Variants in TPP2 observed in about 807,000 individuals in gnomAD.
TPP2 encodes tripeptidyl peptidase 2, also known as tripeptidyl-peptidase 2.
A neutral mutation model predicts 155.9 loss-of-function variants in TPP2; 34 were observed. The observed-to-expected ratio is 0.22, with a 90% CI of 0.17 to 0.29. TPP2 has a LOEUF of 0.29. Ranked by LOEUF, TPP2 falls within the 10% of genes least tolerant of loss-of-function variation. The pLI is 1.00. For missense variants in TPP2, 1,028 were observed against 1,522.3 expected (o/e 0.68, Z 5.40); for synonymous variants, 510 against 529.4 (o/e 0.96, Z 0.50).
intron 6 of TPP2, among the ~76,000 whole-genome samples, chr13:102,626,154 A>G (rs572036279): frequency 5.9e-5 from 9 of 152,210 alleles, no homozygotes; most frequent in Non-Finnish European, 2.9e-5. Context: ...TACTATCCTG[A>G]TCTCCATTGC....
At chr13:102,633,879 G>A in intron 10 of TPP2, 71 bp from the exon 11 acceptor site, 1 of 1,598,320 alleles carries the variant, frequency 6.3e-7, no homozygotes, top group Non-Finnish European at 8.5e-7. Context: ...TTAACCAGTG[G>A]TCGTCTTAAA....
At position 102,676,292 on chromosome 13, in the gene TPP2, G is replaced by A. The variant is rs1595230921; in HGVS notation, c.3580-4G>A. The stretch of plus-strand genomic sequence containing the variant: ...AACAAGCTTTATCATGTTTTACATT[G>A]TAGGTTTTGACATTTGCATATAAAC... On this transcript the variant is annotated splice_region_variant and splice_polypyrimidine_tract_variant and intron_variant, in intron 28 of 29. Transcript: ENST00000376052. The A allele has an allele frequency of 1.3e-6, 2 of 1,588,166 alleles. No individual in the cohort carries two copies. Among genetic ancestry groups the A allele is most frequent in the Non-Finnish European group, 8.6e-7 (1 of 1,163,976 alleles).
intron 12 of TPP2, 72 bp downstream of exon 12, chr13:102,635,774 A>G: frequency 8.5e-7 from 1 of 1,175,478 alleles, no homozygotes; most frequent in Non-Finnish European, 1.2e-6. Flanking sequence ...ATTGGGTAAT[A>G]TTTTGTTTTA....
intron 6 of TPP2, among the ~76,000 whole-genome samples, chr13:102,625,227 C>T (rs1469609331): frequency 3.5e-5 from 5 of 140,862 alleles, no homozygotes; most frequent in East Asian, 4.2e-4. Context: ...TGCAGTGGCG[C>T]GATCTCGGCT....
intron 3 of TPP2, among the ~76,000 whole-genome samples, chr13:102,615,984 T>G (rs1046067173): frequency 7.3e-5 from 11 of 150,584 alleles, no homozygotes; most frequent in Non-Finnish European, 1.5e-4. Flanking sequence ...TGAGACAGAG[T>G]CTTACTCTGT....
intron 1 of TPP2, among the ~76,000 whole-genome samples, chr13:102,603,076 A>G (rs1486386507): frequency 6.6e-6 from 1 of 152,202 alleles, no homozygotes. Context: ...GTGTAAAAAT[A>G]TATATTGTTA....
intron 2 of TPP2, among the ~76,000 whole-genome samples, chr13:102,613,127 T>C (rs1880450415): frequency 6.6e-6 from 1 of 152,192 alleles, no homozygotes; most frequent in Admixed American, 6.5e-5. Context: ...GTGTTTGAAA[T>C]TACACATTCT....
intron 1 of TPP2, among the ~76,000 whole-genome samples, chr13:102,602,948 T>C (rs1386863838): frequency 1.3e-5 from 2 of 152,200 alleles, no homozygotes. Flanking sequence ...TTTCAGTCGT[T>C]GTGTCTCTGT....
chr13:102,663,698 A>T lies in TPP2; in HGVS notation c.3194A>T (p.Tyr1065Phe), dbSNP rs1383011606. The T allele has an allele frequency of 6.2e-7, 1 of 1,608,900 alleles. No homozygotes were observed. Among genetic ancestry groups the T allele is most frequent in the Non-Finnish European group, 8.5e-7 (1 of 1,178,256 alleles). Residue 1065 changes from tyrosine (Y) to phenylalanine (F), a missense_variant, in exon 26 of 30, where the codon TAT (tyrosine) becomes TTT (phenylalanine). Tyr to Phe is a conservative substitution (Grantham distance 22). Around this residue, in one of 7 missense-constraint regions of TPP2, gnomAD observed 179 missense variants for 274.7 expected, o/e 0.65. Transcript: ENST00000376052. ...YNELKETYPN[Y>F]LPLYVARLHQ... ...GAATTGAAAGAAACATATCCTAATT[A>T]TCTTCCTCTGTACGTTGCACGACTT...
intron 29 of TPP2, among the ~76,000 whole-genome samples, chr13:102,677,290 A>T (rs1885331645): frequency 1.3e-5 from 2 of 152,140 alleles, no homozygotes; most frequent in Non-Finnish European, 2.9e-5. Flanking sequence ...CTGATCCGTG[A>T]GCACTTAGGT....
intron 17 of TPP2, among the ~76,000 whole-genome samples, chr13:102,643,588 A>G (rs887542999): frequency 1.3e-5 from 2 of 152,170 alleles, no homozygotes; most frequent in African/African-American, 4.8e-5. Flanking sequence ...TAATTCTTGA[A>G]TAGCATAGTC....
rs200715494 is a variant in TPP2, at chr13:102,678,793, ATTTTTTTT to A, written c.*494_*501del. The A allele has an allele frequency of 2.7e-4, 33 of 121,540 alleles. No homozygotes were observed. The highest frequency in any genetic ancestry group is 4.7e-4 in the East Asian group (2 of 4,250). 7.5% of individuals were successfully genotyped at this position (121,540 alleles called of 1,614,324 possible). ...AAACTAACAGAACTTCATTTCCAGA[ATTTTTTTT>A]TTTTTTTTTTTTTTTTGGCAAATGT... On this transcript the variant is annotated 3_prime_UTR_variant, in exon 30 of 30. Coordinates refer to ENST00000376052, the MANE Select transcript of TPP2 (RefSeq NM_001330588.2).
At chr13:102,662,524 T>G (rs971707523) in intron 25 of TPP2, among the ~76,000 whole-genome samples, 6 of 152,180 alleles carry the variant, frequency 3.9e-5, no homozygotes, top group African/African-American at 1.4e-4. Context: ...AAAAAAAAAT[T>G]TATAATTAAG....
At position 102,637,100 on chromosome 13, in the gene TPP2, C is replaced by G. The variant is rs749981023; in HGVS notation, c.1697C>G (p.Ser566Cys). The change falls in exon 14 of 30, where the codon TCC becomes TGC. Residue 566 changes from serine (S) to cysteine (C), a missense_variant. Ser to Cys is a moderately radical substitution (Grantham distance 112). Around this residue, in one of 7 missense-constraint regions of TPP2, gnomAD observed 325 missense variants for 463.7 expected, o/e 0.70. Transcript: ENST00000376052. ...PENTENSEKISLQLHLALTSN... is the reference protein window; with the variant it reads ...PENTENSEKICLQLHLALTSN... ...GTGCCAGAAAACTCTGAAAAAATATCCCTTCAGCTTCATTTAGCTCTGACT... is the reference window on the plus strand; with the variant it reads ...GTGCCAGAAAACTCTGAAAAAATATGCCTTCAGCTTCATTTAGCTCTGACT... 9 of 1,592,308 alleles carry G rather than the reference C, an allele frequency of 5.7e-6. No homozygotes were observed. Among genetic ancestry groups the G allele is most frequent in the Non-Finnish European group, 7.7e-6 (9 of 1,174,674 alleles).
At position 102,618,859 on chromosome 13, in the gene TPP2, T is replaced by A; in HGVS notation, c.620+13T>A. On this transcript the variant is annotated intron_variant, in intron 5 of 29. Transcript: ENST00000376052. ...GCGAAGTCTGGAGGTAAACTTCGTG[T>A]ATTTTATACATCTTCATTTACAAAT... 6.3e-7 allele frequency: 1 copy of A among 1,592,670 alleles called. No individual in the cohort carries two copies. The highest frequency in any genetic ancestry group is 8.5e-7 in the Non-Finnish European group (1 of 1,172,190).
At chr13:102,600,979 C>T (rs1879388918) in intron 1 of TPP2, among the ~76,000 whole-genome samples, 1 of 151,892 alleles carries the variant, frequency 6.6e-6, no homozygotes, top group Non-Finnish European at 1.5e-5. Context: ...CAGCCTCAAA[C>T]TCCTGGGTTT....
chr13:102,660,547 A>G (rs1171482067), intron 25 of TPP2, among the ~76,000 whole-genome samples: 1 of 152,250 alleles, frequency 6.6e-6, no homozygotes, highest in Non-Finnish European at 1.5e-5. Flanking sequence ...AGAAGACTTA[A>G]TATCATTACA....
At chr13:102,669,733 A>C (rs1371922824) in intron 27 of TPP2, among the ~76,000 whole-genome samples, 1 of 150,170 alleles carries the variant, frequency 6.7e-6, no homozygotes, top group Non-Finnish European at 1.5e-5. Context: ...ATTTTGGTGG[A>C]AACATTGATG....
chr13:102,647,182 A>G lies in TPP2; in HGVS notation c.2491-25A>G, dbSNP rs1229776642. 1.9e-6 allele frequency: 3 copies of G among 1,580,804 alleles called. No individual in the cohort carries two copies. The South Asian group carries it at 3.5e-5, about 19-fold the overall frequency. ...CAGAAATTATATGCAAATCATGCCA[A>G]GTAATCTTTTTTGTTTTTTAATAGC... On this transcript the variant is annotated intron_variant, in intron 20 of 29. Coordinates refer to ENST00000376052, the MANE Select transcript of TPP2 (RefSeq NM_001330588.2).
Sources: allele counts gnomAD v4.1 joint callset (sites outside exome capture counted in the v4.1 genomes callset), GRCh38; gene constraint gnomAD v4.1.1; regional missense constraint gnomAD v4.1.1; transcripts MANE v1.5; gene names NCBI Gene and HGNC (gene_info 2026-07-23, HGNC 2026-07-21).